The following UAP1 variants were observed in gnomAD, a reference collection of about 807,000 sequenced individuals.
UAP1 encodes UDP-N-acetylhexosamine pyrophosphorylase.
In UAP1, 25 loss-of-function variants were observed where a neutral mutation model predicts 58.5. The ratio of observed to expected loss-of-function variants is 0.43; its 90% CI spans 0.31 to 0.60. The LOEUF (loss-of-function observed/expected upper bound fraction) is 0.60, where lower values mean the gene tolerates loss of function less well. Among genes scored for constraint, UAP1 ranks in the 20% least tolerant of loss-of-function variants. UAP1 has a pLI of 0.11. For missense variants in UAP1, 575 were observed against 630.0 expected, an observed-to-expected ratio of 0.91 and a Z score of 0.93; for synonymous variants, 208 against 213.0, an observed-to-expected ratio of 0.98 and a Z score of 0.21.
chr1:162,594,645 T>G lies in UAP1; in HGVS notation c.1409+1863T>G, dbSNP rs545824285. On this transcript the variant is annotated intron_variant, in intron 9 of 10. Transcript: ENST00000271469. ...CTTTTATATTTAAGAAATAAAACTTTGATTAAATTTCTTTGTCATTGAACC... is the reference window on the plus strand; with the variant it reads ...CTTTTATATTTAAGAAATAAAACTTGGATTAAATTTCTTTGTCATTGAACC... Among the ~76,000 whole-genome samples, 716 of 152,340 alleles carry G rather than the reference T, an allele frequency of 4.7e-3. 5 individuals carry two copies. Among genetic ancestry groups the G allele is most frequent in the African/African-American group, 0.016 (673 of 41,572 alleles).
exon 11 of UAP1, chr1:162,599,672 T>C (rs1341179460): frequency 9.3e-6 from 2 of 215,064 alleles, no homozygotes; most frequent in East Asian, 2.1e-4. Flanking sequence ...ATCAGTTTAC[T>C]TGCAGCTGGA....
intron 2 of UAP1, among the ~76,000 whole-genome samples, chr1:162,572,767 C>G (rs1289407034): frequency 6.6e-6 from 1 of 152,128 alleles, no homozygotes. Context: ...AAAACCTGAC[C>G]TGAATAGACA....
At chr1:162,576,298 C>CT (rs1000219569) in intron 2 of UAP1, among the ~76,000 whole-genome samples, 7 of 151,676 alleles carry the variant, frequency 4.6e-5, no homozygotes, top group African/African-American at 1.7e-4. Flanking sequence ...TTTACTCTGT[C>CT]TTTTTTTTGA....
intron 8 of UAP1, 134 bp from the exon 9 acceptor site, chr1:162,592,598 T>G: frequency 1.5e-6 from 1 of 674,296 alleles, no homozygotes; most frequent in Non-Finnish European, 2.6e-6. Context: ...TTTTACCCCC[T>G]TTTGGTCTCT....
intron 2 of UAP1, among the ~76,000 whole-genome samples, chr1:162,567,921 G>A (rs1557964384): frequency 1.3e-5 from 2 of 151,968 alleles, no homozygotes; most frequent in East Asian, 1.9e-4. Flanking sequence ...TCAGCTTCCC[G>A]AGTAGCTGGG....
At chr1:162,590,195 A>AT in intron 7 of UAP1, 128 bp from the exon 8 acceptor site, 1 of 714,102 alleles carries the variant, frequency 1.4e-6, no homozygotes, top group Non-Finnish European at 2.2e-6. Context: ...GGTGAGCAAT[A>AT]TTTTATTCAT....
At chr1:162,593,725 G>C (rs1655458644) in intron 9 of UAP1, 1 of 151,058 alleles carries the variant, frequency 6.6e-6, no homozygotes, top group Non-Finnish European at 1.5e-5. Flanking sequence ...TCCAGCCTTG[G>C]TGACAGAGCA....
chr1:162,583,705 C>T (rs1368986749), intron 5 of UAP1, among the ~76,000 whole-genome samples: 1 of 152,086 alleles, frequency 6.6e-6, no homozygotes, highest in Non-Finnish European at 1.5e-5. Flanking sequence ...TCTTGGCTCA[C>T]TGCAACTTCT....
chr1:162,564,918 G>A (rs1196757379), intron 1 of UAP1, among the ~76,000 whole-genome samples: 2 of 152,074 alleles, frequency 1.3e-5, no homozygotes, highest in African/African-American at 4.8e-5. Context: ...CTGTTGCTGA[G>A]GCTGGAGTGA....
rs74394345 is a variant in UAP1 at position 162,580,817 on chromosome 1, G to T, written c.662-470G>T. Among the ~76,000 whole-genome samples the T allele has an allele frequency of 2.7e-3, 409 of 152,182 alleles. 1 individual carries two copies. The highest frequency in any genetic ancestry group is 9.7e-3 in the African/African-American group (402 of 41,520). On this transcript the variant is annotated intron_variant, in intron 4 of 10. Transcript: ENST00000271469. ...TTATATCTCGTTTAAATCACCTTAG[G>T]CCTCCATATCAATCTGTTTTTTTAA...
intron 3 of UAP1, 104 bp from the exon 4 acceptor site, chr1:162,579,320 TAAGC>T: frequency 1.3e-6 from 1 of 788,200 alleles, no homozygotes; most frequent in Non-Finnish European, 1.8e-6. Context: ...GTCAAAATAA[TAAGC>T]AAGTGCTTTC....
In UAP1 at chr1:162,587,459, T is replaced by G; in HGVS notation, c.835-16T>G. On this transcript the variant is annotated splice_polypyrimidine_tract_variant and intron_variant, in intron 5 of 10. Coordinates refer to ENST00000271469, the Ensembl canonical transcript of UAP1. ...TAATTCAATTTCCTCCTCTACTGTT[T>G]TTCTCTGGTGGACAGGTGGTAGAGA... The G allele has an allele frequency of 1.3e-6, 2 of 1,584,546 alleles. No homozygotes were observed. Among genetic ancestry groups the G allele is most frequent in the Non-Finnish European group, 1.7e-6 (2 of 1,162,664 alleles).
Position 162,599,582 on chromosome 1 carries a change from A to G in UAP1, c.*219A>G, listed in dbSNP as rs144144659. 2.2e-3 allele frequency: 775 copies of G among 357,734 alleles called. 6 individuals are homozygous for G. Among genetic ancestry groups the G allele is most frequent in the East Asian group, 5.0e-3 (111 of 22,138 alleles). The allele number at this position is 357,734 out of a possible 1,614,324, so 22.2% of individuals were successfully genotyped here. A position where few individuals can be genotyped will look rare whatever the true frequency, so the allele number is the denominator to read the frequency against. On this transcript the variant is annotated 3_prime_UTR_variant, in exon 11 of 11. Coordinates refer to ENST00000271469, the Ensembl canonical transcript of UAP1. ...TCCCAACTCATTGAAGGTCTTATTTATATAATTTTTTCCAAGCCAAGGAGA... is the reference window on the plus strand; with the variant it reads ...TCCCAACTCATTGAAGGTCTTATTTGTATAATTTTTTCCAAGCCAAGGAGA...
intron 2 of UAP1, among the ~76,000 whole-genome samples, chr1:162,572,241 T>C (rs1653907863): frequency 6.6e-6 from 1 of 152,208 alleles, no homozygotes; most frequent in Non-Finnish European, 1.5e-5. Flanking sequence ...GCCATTTATC[T>C]GAATAAAGAA....
At chr1:162,590,195 A>G in intron 7 of UAP1, 128 bp from the exon 8 acceptor site, 3 of 714,102 alleles carry the variant, frequency 4.2e-6, no homozygotes, top group Non-Finnish European at 6.6e-6. Flanking sequence ...GGTGAGCAAT[A>G]TTTTATTCAT....
At chr1:162,581,027 A>G (rs1571073417) in intron 4 of UAP1, among the ~76,000 whole-genome samples, 1 of 152,228 alleles carries the variant, frequency 6.6e-6, no homozygotes, top group East Asian at 1.9e-4. Context: ...GGCTGAGTTA[A>G]AAAGAAAGAT....
chr1:162,566,291 GAGGTATT>G lies in UAP1; in HGVS notation c.227_233del (p.Val76AlafsTer26). The stretch of plus-strand genomic sequence containing the variant: ...TGCACGAATGGAACCTGTGCCTCGA[GAGGTATT>G]AGGCAGTGCTACAAGGGATCAAGAT... On this transcript the variant is annotated frameshift_variant, in exon 2 of 11. Coordinates refer to ENST00000271469, the Ensembl canonical transcript of UAP1. LOFTEE classifies it high-confidence loss of function. 1 of 1,614,162 alleles carries G rather than the reference GAGGTATT, an allele frequency of 6.2e-7. No homozygotes were observed. The highest frequency in any genetic ancestry group is 8.5e-7 in the Non-Finnish European group (1 of 1,180,026).
exon 11 of UAP1, chr1:162,599,664 C>G (rs1014336356): frequency 1.3e-5 from 3 of 225,796 alleles, no homozygotes; most frequent in Admixed American, 5.5e-5. Flanking sequence ...TGTTCAACAT[C>G]AGTTTACTTG....
intron 3 of UAP1, among the ~76,000 whole-genome samples, chr1:162,578,599 A>G (rs1437485710): frequency 1.3e-5 from 2 of 152,030 alleles, no homozygotes; most frequent in Non-Finnish European, 2.9e-5. Context: ...TCTTTCTTCC[A>G]TCTCTTCACA....
Sources: allele counts gnomAD v4.1 joint callset (sites outside exome capture counted in the v4.1 genomes callset), GRCh38; gene constraint gnomAD v4.1.1; transcripts MANE v1.5; gene names NCBI Gene and HGNC (gene_info 2026-07-23, HGNC 2026-07-21).